Variants in MYLK observed in about 807,000 individuals in gnomAD.
MYLK encodes the protein myosin light chain kinase, also known as myosin light chain kinase, smooth muscle.
In MYLK, 106 loss-of-function variants were observed where a neutral mutation model predicts 203.4. The observed-to-expected ratio is 0.52, with a 90% confidence interval of 0.45 to 0.61. MYLK has a LOEUF of 0.61. Among genes scored for constraint, MYLK ranks in the 20% least tolerant of loss-of-function variants. The pLI is 0.00. For synonymous variants in MYLK, 867 were observed against 959.5 expected (o/e 0.90, Z 1.78); for missense variants, 2,072 against 2,442.3 (o/e 0.85, Z 3.20).
chr3:123,767,302 G>A (rs1046361924), intron 4 of MYLK, among the ~76,000 whole-genome samples: 10 of 152,138 alleles, frequency 6.6e-5, no homozygotes, highest in South Asian at 2.1e-4. Flanking sequence ...CTCATTCTTC[G>A]TCTGTTAAAA....
intron 2 of MYLK, among the ~76,000 whole-genome samples, chr3:123,876,313 T>C (rs1577167556): frequency 6.6e-6 from 1 of 152,132 alleles, no homozygotes; most frequent in Non-Finnish European, 1.5e-5. Flanking sequence ...CATATGTAAC[T>C]CTGATAGATT....
At chr3:123,789,188 A>G (rs1409305890) in intron 4 of MYLK, among the ~76,000 whole-genome samples, 1 of 151,738 alleles carries the variant, frequency 6.6e-6, no homozygotes, top group African/African-American at 2.4e-5. Flanking sequence ...AGCAGTGAAC[A>G]CCAGACAGTG....
At chr3:123,815,254 C>G (rs1173197099) in intron 3 of MYLK, among the ~76,000 whole-genome samples, 1 of 152,086 alleles carries the variant, frequency 6.6e-6, no homozygotes. Flanking sequence ...CAGTATTTTA[C>G]TCTCCTGCCT....
At chr3:123,681,258 A>G (rs1365894512) in intron 20 of MYLK, 1 of 152,202 alleles carries the variant, frequency 6.6e-6, no homozygotes, top group East Asian at 1.9e-4. Context: ...GGAAGCTGAG[A>G]TCCAAAAAGA....
At chr3:123,716,276 G>C (rs761178476) in intron 13 of MYLK, 1 of 152,152 alleles carries the variant, frequency 6.6e-6, no homozygotes, top group Non-Finnish European at 1.5e-5. Flanking sequence ...GGGGGTTTGT[G>C]CAAGCTGTAA....
intron 3 of MYLK, among the ~76,000 whole-genome samples, chr3:123,822,003 T>A (rs1197686520): frequency 6.6e-6 from 1 of 152,026 alleles, no homozygotes; most frequent in African/African-American, 2.4e-5. Context: ...CAGGAATGGG[T>A]TCATTATTGT....
chr3:123,883,028 T>C (rs2033640445), intron 1 of MYLK, among the ~76,000 whole-genome samples: 1 of 152,246 alleles, frequency 6.6e-6, no homozygotes, highest in South Asian at 2.1e-4. Flanking sequence ...CTTGCATTGT[T>C]GATTCCTGAT....
chr3:123,702,197 G>T (rs1236972584), intron 16 of MYLK, among the ~76,000 whole-genome samples: 1 of 152,124 alleles, frequency 6.6e-6, no homozygotes, highest in Non-Finnish European at 1.5e-5. Flanking sequence ...GCTGTACCCT[G>T]TCTGGCTACA....
At chr3:123,615,347 T>G (rs2057418732) in intron 33 of MYLK, among the ~76,000 whole-genome samples, 1 of 152,080 alleles carries the variant, frequency 6.6e-6, no homozygotes. Flanking sequence ...TTTCCTTTTT[T>G]TTTTGAGACA....
intron 2 of MYLK, among the ~76,000 whole-genome samples, chr3:123,858,455 T>C (rs1256603056): frequency 6.6e-6 from 1 of 152,126 alleles, no homozygotes; most frequent in African/African-American, 2.4e-5. Flanking sequence ...AATGTATTTC[T>C]TACAATTACA....
At chr3:123,778,364 T>A (rs1180276565) in intron 4 of MYLK, among the ~76,000 whole-genome samples, 2 of 151,822 alleles carry the variant, frequency 1.3e-5, no homozygotes, top group Non-Finnish European at 2.9e-5. Context: ...ATACAAAAAA[T>A]TAGCCGAGCG....
intron 24 of MYLK, among the ~76,000 whole-genome samples, chr3:123,649,956 A>G (rs371268145): frequency 9.2e-5 from 14 of 152,162 alleles, no homozygotes; most frequent in Non-Finnish European, 2.1e-4. Context: ...AATGAAACCA[A>G]TAGGTATTTG....
At chr3:123,720,372 C>G (rs2062044083) in intron 13 of MYLK, among the ~76,000 whole-genome samples, 1 of 152,174 alleles carries the variant, frequency 6.6e-6, no homozygotes, top group Admixed American at 6.5e-5. Flanking sequence ...CAAGCCAGGA[C>G]AGACATTGGA....
At chr3:123,738,582 C>A (rs934258557) in intron 7 of MYLK, among the ~76,000 whole-genome samples, 3 of 152,028 alleles carry the variant, frequency 2.0e-5, no homozygotes, top group Non-Finnish European at 4.4e-5. Context: ...TGGGAGGGAC[C>A]CAGTGGGAGG....
At chr3:123,736,411 G>C (rs1040882424) in intron 8 of MYLK, among the ~76,000 whole-genome samples, 1 of 152,088 alleles carries the variant, frequency 6.6e-6, no homozygotes, top group Admixed American at 6.6e-5. Flanking sequence ...AAGGAGGAAG[G>C]ACTGAAAGCC....
chr3:123,739,554 G>C (rs908471431), intron 6 of MYLK, among the ~76,000 whole-genome samples: 24 of 152,218 alleles, frequency 1.6e-4, no homozygotes, highest in African/African-American at 5.8e-4. Context: ...CATGTTCCAG[G>C]ATATCTGAAC....
chr3:123,701,219 G>T (rs1382705618), intron 17 of MYLK, among the ~76,000 whole-genome samples: 2 of 121,584 alleles, frequency 1.6e-5, no homozygotes, highest in Non-Finnish European at 3.4e-5. Context: ...GACTTCAGTA[G>T]CCTTATAAGG....
chr3:123,772,562 A>C, intron 4 of MYLK, among the ~76,000 whole-genome samples: 1 of 152,126 alleles, frequency 6.6e-6, no homozygotes, highest in East Asian at 1.9e-4. Context: ...GTGAACACTA[A>C]AATTTAAAAT....
chr3:123,864,636 A>C (rs896589169), intron 2 of MYLK, among the ~76,000 whole-genome samples: 1 of 152,186 alleles, frequency 6.6e-6, no homozygotes, highest in African/African-American at 2.4e-5. Flanking sequence ...ATTAGTCCCT[A>C]CAAAGTAAGA....
Sources: gnomAD v4.1 joint callset for allele counts (sites outside exome capture counted in the v4.1 genomes callset) on GRCh38, gnomAD v4.1.1 for gene constraint, MANE v1.5 for transcripts, NCBI Gene and HGNC (gene_info 2026-07-23, HGNC 2026-07-21) for gene names.